The following LIPK variants were observed in gnomAD, a reference collection of about 807,000 sequenced individuals.
LIPK encodes the protein lipase member K.
A neutral mutation model predicts 48.6 loss-of-function variants in LIPK; 32 were observed. The ratio of observed to expected loss-of-function variants is 0.66; its 90% CI spans 0.50 to 0.88. The LOEUF is 0.88. Among genes scored for constraint, LIPK ranks in the 40% least tolerant of loss-of-function variants. The pLI is 0.00. For missense variants in LIPK, 507 were observed against 478.5 expected (o/e 1.06, Z -0.56); for synonymous variants, 164 against 157.4 (o/e 1.04, Z -0.32).
intron 1 of LIPK, among the ~76,000 whole-genome samples, chr10:88,710,176 C>T (rs1316886169): frequency 6.6e-6 from 1 of 151,824 alleles, no homozygotes; most frequent in Admixed American, 6.6e-5. Context: ...TAATTGAAAA[C>T]ATGTTTTTAA....
At chr10:88,710,303 T>C (rs944137809) in intron 1 of LIPK, among the ~76,000 whole-genome samples, 4 of 152,168 alleles carry the variant, frequency 2.6e-5, no homozygotes, top group Non-Finnish European at 5.9e-5. Flanking sequence ...ATATAAAATG[T>C]GGATGTTCTT....
At chr10:88,748,467 A>C (rs1459402547) in intron 9 of LIPK, among the ~76,000 whole-genome samples, 1 of 152,008 alleles carries the variant, frequency 6.6e-6, no homozygotes, top group African/African-American at 2.4e-5. Flanking sequence ...AAATACAAAA[A>C]TTAGCTGGGT....
chr10:88,736,685 T>C (rs1463826593), intron 6 of LIPK, among the ~76,000 whole-genome samples: 2 of 152,172 alleles, frequency 1.3e-5, no homozygotes, highest in African/African-American at 4.8e-5. Context: ...CTTCATAAAA[T>C]AATCAACAAT....
At chr10:88,749,444 C>A (rs1590164214) in intron 9 of LIPK, among the ~76,000 whole-genome samples, 1 of 151,990 alleles carries the variant, frequency 6.6e-6, no homozygotes, top group Admixed American at 6.6e-5. Context: ...GTTAGAGAAC[C>A]CAGAAATAAA....
intron 3 of LIPK, chr10:88,728,092 G>T: frequency 3.5e-6 from 1 of 285,618 alleles, no homozygotes; most frequent in South Asian, 3.9e-5. Context: ...GATGGAGAAT[G>T]AATTTTCCTC....
chr10:88,737,868 A>T (rs1310567145), intron 7 of LIPK, 87 bp downstream of exon 7: 6 of 1,411,840 alleles, frequency 4.2e-6, no homozygotes, highest in Non-Finnish European at 5.9e-6. Flanking sequence ...GGCAACTGCA[A>T]TTCAAGGTTT....
intron 1 of LIPK, among the ~76,000 whole-genome samples, chr10:88,710,378 A>G (rs1282482171): frequency 6.6e-6 from 1 of 152,184 alleles, no homozygotes. Flanking sequence ...AGCACTAGTA[A>G]ATGTTGAAAA....
At chr10:88,724,158 A>T (rs1353167927) in intron 1 of LIPK, among the ~76,000 whole-genome samples, 1 of 152,214 alleles carries the variant, frequency 6.6e-6, no homozygotes, top group Non-Finnish European at 1.5e-5. Context: ...ATCAGAAAAA[A>T]GTACCAACCA....
chr10:88,734,611 G>T (rs1185733056), intron 6 of LIPK, among the ~76,000 whole-genome samples: 1 of 152,110 alleles, frequency 6.6e-6, no homozygotes, highest in East Asian at 1.9e-4. Context: ...GCAGATGAGG[G>T]TAAAGGACAT....
intron 7 of LIPK, among the ~76,000 whole-genome samples, chr10:88,739,068 A>G (rs932665472): frequency 1.3e-5 from 2 of 152,352 alleles, no homozygotes; most frequent in Non-Finnish European, 2.9e-5. Context: ...AAATAGTGCA[A>G]TTGAAAATAT....
chr10:88,742,811 A>G (rs1160139881), intron 8 of LIPK, among the ~76,000 whole-genome samples: 2 of 152,214 alleles, frequency 1.3e-5, no homozygotes, highest in African/African-American at 2.4e-5. Context: ...AACAGTTTAG[A>G]CCACATCATG....
intron 1 of LIPK, among the ~76,000 whole-genome samples, chr10:88,713,984 T>C (rs527465310): frequency 6.6e-6 from 1 of 151,740 alleles, no homozygotes; most frequent in Non-Finnish European, 1.5e-5. Flanking sequence ...TAAAATAAAA[T>C]AAATTTAGTG....
At chr10:88,746,183 A>C (rs931683887) in intron 9 of LIPK, among the ~76,000 whole-genome samples, 1 of 152,168 alleles carries the variant, frequency 6.6e-6, no homozygotes, top group Middle Eastern at 3.2e-3. Flanking sequence ...ATAGTGGGAG[A>C]CTTCAACACC....
intron 3 of LIPK, chr10:88,727,798 C>A: frequency 3.1e-6 from 1 of 323,554 alleles, no homozygotes. Flanking sequence ...CTGTGAACAC[C>A]CAGGAGAAGA....
At chr10:88,709,277 CA>C (rs1841986216) in intron 1 of LIPK, among the ~76,000 whole-genome samples, 1 of 152,102 alleles carries the variant, frequency 6.6e-6, no homozygotes, top group African/African-American at 2.4e-5. Context: ...GATGCATCAA[CA>C]AAAATTATTT....
chr10:88,720,750 G>A (rs1842206868), intron 1 of LIPK, among the ~76,000 whole-genome samples: 1 of 150,364 alleles, frequency 6.7e-6, no homozygotes, highest in Admixed American at 6.6e-5. Flanking sequence ...AAGTCTCCAA[G>A]GAAGTCATAT....
chr10:88,718,640 T>C (rs1167728531), intron 1 of LIPK, among the ~76,000 whole-genome samples: 1 of 152,066 alleles, frequency 6.6e-6, no homozygotes, highest in Admixed American at 6.5e-5. Context: ...TCCAATGAGT[T>C]ACACTGTTCC....
At chr10:88,717,796 A>G (rs1239415811) in intron 1 of LIPK, among the ~76,000 whole-genome samples, 1 of 152,206 alleles carries the variant, frequency 6.6e-6, no homozygotes, top group Non-Finnish European at 1.5e-5. Flanking sequence ...CAACAACTGA[A>G]CATGTAAAAA....
intron 3 of LIPK, among the ~76,000 whole-genome samples, 168 bp from the exon 4 acceptor site, chr10:88,730,815 A>G (rs1336478234): frequency 6.6e-6 from 1 of 152,254 alleles, no homozygotes; most frequent in African/African-American, 2.4e-5. Flanking sequence ...GAGAACTTAA[A>G]TAACTTACCC....
Sources: allele counts gnomAD v4.1 joint callset (sites outside exome capture counted in the v4.1 genomes callset), GRCh38; gene constraint gnomAD v4.1.1; transcripts MANE v1.5; gene names NCBI Gene and HGNC (gene_info 2026-07-23, HGNC 2026-07-21).